The following PCDH15 variants were observed in gnomAD, a reference collection of about 807,000 sequenced individuals.
PCDH15 encodes protocadherin related 15, also known as protocadherin-15.
In PCDH15, 129 loss-of-function variants were observed where a neutral mutation model predicts 178.5. The observed-to-expected ratio is 0.72, with a 90% CI of 0.63 to 0.84. PCDH15 has a LOEUF of 0.84. PCDH15 is among the 40% of genes least tolerant of loss of function. The probability of loss-of-function intolerance (pLI) is 0.00; values close to 1 mark genes in which losing one functional copy is unlikely to be tolerated. For synonymous variants in PCDH15, 800 were observed against 732.0 expected (o/e 1.09, Z -1.50); for missense variants, 2,230 against 2,099.9 (o/e 1.06, Z -1.21).
chr10:54,632,985 A>G (rs577461024), intron 2 of PCDH15, among the ~76,000 whole-genome samples: 1 of 152,256 alleles, frequency 6.6e-6, no homozygotes, highest in Admixed American at 6.5e-5. Flanking sequence ...AGAAACAATG[A>G]AAGAAAAGTA....
intron 2 of PCDH15, among the ~76,000 whole-genome samples, chr10:55,567,333 A>G (rs906061720): frequency 7.2e-5 from 11 of 151,940 alleles, no homozygotes; most frequent in African/African-American, 2.7e-4. Context: ...CTCTTACAAG[A>G]AAGATAAGTT....
intron 3 of PCDH15, among the ~76,000 whole-genome samples, chr10:54,814,918 T>C (rs982300277): frequency 2.0e-5 from 3 of 152,096 alleles, no homozygotes; most frequent in African/African-American, 4.8e-5. Context: ...CTCCCAGACA[T>C]TGGAAATCTT....
At chr10:54,505,383 G>T (rs1379178790) in intron 3 of PCDH15, among the ~76,000 whole-genome samples, 1 of 152,066 alleles carries the variant, frequency 6.6e-6, no homozygotes, top group Non-Finnish European at 1.5e-5. Context: ...AACCCTATTT[G>T]TCTGTGTGTA....
At chr10:55,519,151 A>G (rs977279704) in intron 2 of PCDH15, among the ~76,000 whole-genome samples, 1 of 147,826 alleles carries the variant, frequency 6.8e-6, no homozygotes, top group Non-Finnish European at 1.5e-5. Flanking sequence ...TGTGGCTCTG[A>G]CCTAACTCAG....
chr10:55,433,403 C>T (rs1292475657), intron 2 of PCDH15, among the ~76,000 whole-genome samples: 3 of 152,026 alleles, frequency 2.0e-5, no homozygotes, highest in Non-Finnish European at 4.4e-5. Flanking sequence ...GTAACAACAG[C>T]GACCATGGCC....
At chr10:54,386,926 T>C (rs1292035508) in intron 3 of PCDH15, among the ~76,000 whole-genome samples, 1 of 152,132 alleles carries the variant, frequency 6.6e-6, no homozygotes, top group African/African-American at 2.4e-5. Context: ...AAGAGATTAA[T>C]TTTACATCCC....
chr10:54,450,032 C>T (rs544067456), intron 3 of PCDH15, among the ~76,000 whole-genome samples: 5 of 150,960 alleles, frequency 3.3e-5, no homozygotes, highest in African/African-American at 9.7e-5. Flanking sequence ...TTGCAAATAG[C>T]GAGATGTGGT....
At chr10:55,096,629 A>G in intron 2 of PCDH15, among the ~76,000 whole-genome samples, 1 of 151,954 alleles carries the variant, frequency 6.6e-6, no homozygotes, top group East Asian at 1.9e-4. Context: ...TTTGATCAAC[A>G]TCTCCCGATT....
At chr10:54,991,130 T>C (rs1174947687) in intron 2 of PCDH15, among the ~76,000 whole-genome samples, 4 of 152,182 alleles carry the variant, frequency 2.6e-5, no homozygotes, top group Non-Finnish European at 5.9e-5. Context: ...TACTTTGTAG[T>C]GAATGCATGC....
intron 14 of PCDH15, among the ~76,000 whole-genome samples, chr10:54,138,780 G>T (rs2043114850): frequency 6.6e-6 from 1 of 152,154 alleles, no homozygotes; most frequent in African/African-American, 2.4e-5. Flanking sequence ...GGTCAAGAAA[G>T]TGTGGCTATG....
intron 2 of PCDH15, among the ~76,000 whole-genome samples, chr10:55,340,038 C>T (rs1277346488): frequency 1.3e-5 from 2 of 151,416 alleles, no homozygotes; most frequent in Non-Finnish European, 2.9e-5. Context: ...AAGTAACTCT[C>T]ATTAATTGAA....
intron 2 of PCDH15, among the ~76,000 whole-genome samples, chr10:55,520,756 TAA>T (rs1275845463): frequency 2.0e-5 from 3 of 151,792 alleles, no homozygotes; most frequent in African/African-American, 4.8e-5. Context: ...TATAAATGAA[TAA>T]GAGATATATC....
intron 1 of PCDH15, among the ~76,000 whole-genome samples, chr10:55,211,285 C>T (rs1840565188): frequency 6.6e-6 from 1 of 151,882 alleles, no homozygotes. Context: ...AATGCCCCAC[C>T]AATACAGAAA....
chr10:54,029,354 T>A (rs1368159956), intron 18 of PCDH15, among the ~76,000 whole-genome samples: 1 of 152,160 alleles, frequency 6.6e-6, no homozygotes, highest in Non-Finnish European at 1.5e-5. Context: ...AAATAACACA[T>A]CTCTTTTCCC....
intron 2 of PCDH15, among the ~76,000 whole-genome samples, chr10:54,986,905 ACTTT>A (rs1839382652): frequency 6.6e-6 from 1 of 151,422 alleles, no homozygotes; most frequent in Non-Finnish European, 1.5e-5. Context: ...TTTTCATTTT[ACTTT>A]AAGTTTCAGG....
chr10:54,470,262 G>GACAGC (rs1009713528), intron 3 of PCDH15, among the ~76,000 whole-genome samples: 2 of 152,158 alleles, frequency 1.3e-5, no homozygotes, highest in Non-Finnish European at 2.9e-5. Flanking sequence ...AGCCCTAGGT[G>GACAGC]ACAGCTATAA....
intron 2 of PCDH15, among the ~76,000 whole-genome samples, chr10:55,117,294 C>G (rs1385862012): frequency 1.3e-5 from 2 of 152,090 alleles, no homozygotes; most frequent in Admixed American, 6.5e-5. Flanking sequence ...GCAGAGTAAC[C>G]AGCCTTCTGC....
intron 2 of PCDH15, among the ~76,000 whole-genome samples, chr10:55,120,268 G>C (rs968028428): frequency 1.3e-5 from 2 of 152,186 alleles, no homozygotes; most frequent in African/African-American, 2.4e-5. Context: ...CAGGAAGAGG[G>C]AAGAAAGATG....
intron 1 of PCDH15, among the ~76,000 whole-genome samples, chr10:55,298,081 C>T (rs919086938): frequency 1.3e-5 from 2 of 152,056 alleles, no homozygotes; most frequent in African/African-American, 4.8e-5. Context: ...ACAGAGCTCC[C>T]GGACAGATTT....
Sources: gnomAD v4.1 joint callset for allele counts (sites outside exome capture counted in the v4.1 genomes callset) on GRCh38, gnomAD v4.1.1 for gene constraint, MANE v1.5 for transcripts, NCBI Gene and HGNC (gene_info 2026-07-23, HGNC 2026-07-21) for gene names.